The following THSD7B variants were observed in gnomAD, a reference collection of about 807,000 sequenced individuals.
THSD7B encodes the protein thrombospondin type-1 domain-containing protein 7B.
THSD7B carries 138 observed loss-of-function variants against 213.6 expected under a neutral mutation model. That is an observed-to-expected ratio of 0.65 (90% CI 0.56 to 0.74). The LOEUF (loss-of-function observed/expected upper bound fraction) is 0.74. Among genes scored for constraint, THSD7B ranks in the 30% least tolerant of loss-of-function variants. The pLI is 0.00. For missense variants in THSD7B, 1,931 were observed against 1,991.5 expected (o/e 0.97, Z 0.58); for synonymous variants, 742 against 687.0 (o/e 1.08, Z -1.25).
chr2:136,943,909 C>A (rs1684878641), intron 2 of THSD7B, among the ~76,000 whole-genome samples: 1 of 152,064 alleles, frequency 6.6e-6, no homozygotes, highest in Non-Finnish European at 1.5e-5. Context: ...TTAGTTATTT[C>A]TTGCCTTCTG....
intron 1 of THSD7B, among the ~76,000 whole-genome samples, chr2:136,854,483 CA>C (rs1189652014): frequency 6.6e-6 from 1 of 151,924 alleles, no homozygotes; most frequent in Non-Finnish European, 1.5e-5. Context: ...ACTCCTTCCC[CA>C]TCAGGCCTGT....
chr2:136,777,315 A>T (rs369407557), intron 1 of THSD7B, among the ~76,000 whole-genome samples: 1 of 152,122 alleles, frequency 6.6e-6, no homozygotes, highest in Non-Finnish European at 1.5e-5. Flanking sequence ...ATACAAAGCA[A>T]CTACTCCTGA....
chr2:137,407,431 G>C (rs1234478773), intron 13 of THSD7B, among the ~76,000 whole-genome samples: 1 of 151,900 alleles, frequency 6.6e-6, no homozygotes, highest in South Asian at 2.1e-4. Flanking sequence ...TGAAATACAT[G>C]AGTTTTTTTA....
intron 5 of THSD7B, among the ~76,000 whole-genome samples, chr2:137,133,659 C>T (rs1414610850): frequency 6.6e-6 from 1 of 152,052 alleles, no homozygotes; most frequent in African/African-American, 2.4e-5. Context: ...ATGTGAATGA[C>T]ATATGTAATT....
At chr2:137,031,024 A>G (rs1192884936) in intron 2 of THSD7B, among the ~76,000 whole-genome samples, 1 of 152,174 alleles carries the variant, frequency 6.6e-6, no homozygotes, top group African/African-American at 2.4e-5. Flanking sequence ...TACACCCACC[A>G]CCTTCATAAC....
chr2:137,055,017 T>C (rs1233444531), intron 2 of THSD7B, among the ~76,000 whole-genome samples: 2 of 152,132 alleles, frequency 1.3e-5, no homozygotes, highest in Non-Finnish European at 2.9e-5. Flanking sequence ...CACTTATGAG[T>C]GAGAACATGC....
chr2:136,916,767 C>G (rs1394444987), intron 2 of THSD7B, among the ~76,000 whole-genome samples: 2 of 152,162 alleles, frequency 1.3e-5, no homozygotes, highest in African/African-American at 4.8e-5. Context: ...TGCCATAGCA[C>G]CTGTCTTTAC....
At chr2:136,982,241 C>A (rs114032260) in intron 2 of THSD7B, among the ~76,000 whole-genome samples, 273 of 152,236 alleles carry the variant, frequency 1.8e-3, no homozygotes, top group Non-Finnish European at 2.9e-3. Flanking sequence ...TCCTTGGTTT[C>A]TCTCTCCAAA....
chr2:136,861,321 G>A (rs144644300), intron 1 of THSD7B, among the ~76,000 whole-genome samples: 41 of 152,240 alleles, frequency 2.7e-4, no homozygotes, highest in African/African-American at 8.7e-4. Flanking sequence ...TTAAAATCTG[G>A]TTTCTCTTTG....
At chr2:137,303,411 G>T (rs537734732) in intron 12 of THSD7B, among the ~76,000 whole-genome samples, 1 of 151,894 alleles carries the variant, frequency 6.6e-6, no homozygotes, top group South Asian at 2.1e-4. Context: ...ATAATATGTA[G>T]AATTCTTTTT....
intron 15 of THSD7B, among the ~76,000 whole-genome samples, chr2:137,511,677 A>G (rs1679963953): frequency 6.6e-6 from 1 of 152,136 alleles, no homozygotes; most frequent in Non-Finnish European, 1.5e-5. Flanking sequence ...TAAGGCTTCC[A>G]TCCTCTGCCA....
intron 1 of THSD7B, among the ~76,000 whole-genome samples, chr2:136,866,396 C>A (rs1683333723): frequency 1.3e-5 from 2 of 151,966 alleles, no homozygotes; most frequent in Admixed American, 6.6e-5. Flanking sequence ...AATAAAATAT[C>A]AGGTCTGTAG....
At chr2:136,870,106 C>CTGTATTT (rs936892051) in intron 1 of THSD7B, among the ~76,000 whole-genome samples, 1 of 151,066 alleles carries the variant, frequency 6.6e-6, no homozygotes, top group African/African-American at 2.4e-5. Context: ...GCATTTGTGC[C>CTGTATTT]TGTATTTTAG....
At chr2:137,340,803 C>T (rs1404186845) in intron 12 of THSD7B, among the ~76,000 whole-genome samples, 1 of 151,708 alleles carries the variant, frequency 6.6e-6, no homozygotes, top group Non-Finnish European at 1.5e-5. Flanking sequence ...ATGTATCCCA[C>T]ATTTTCTGTA....
intron 2 of THSD7B, among the ~76,000 whole-genome samples, chr2:136,943,020 G>T (rs1025864493): frequency 1.3e-5 from 2 of 152,110 alleles, no homozygotes; most frequent in East Asian, 3.9e-4. Context: ...TTTGAGATAT[G>T]TCCCATCAAT....
At chr2:137,438,191 G>A (rs998416283) in intron 14 of THSD7B, among the ~76,000 whole-genome samples, 2 of 152,076 alleles carry the variant, frequency 1.3e-5, no homozygotes, top group African/African-American at 2.4e-5. Flanking sequence ...TTCAATGACA[G>A]GCACAAGGTA....
At chr2:137,258,232 T>C (rs1682352401) in intron 10 of THSD7B, among the ~76,000 whole-genome samples, 1 of 152,192 alleles carries the variant, frequency 6.6e-6, no homozygotes, top group South Asian at 2.1e-4. Context: ...TTTGAAATAC[T>C]TTTTTTATCC....
rs189964865 is a variant in THSD7B at position 137,317,928 on chromosome 2, A to G, written c.2500+41902A>G. On this transcript the variant is annotated intron_variant, in intron 12 of 27. Transcript: ENST00000409968. ...AGTGACAGAGCAAGACCCTGTCTCT[A>G]TGGGGGAGGGGGGAAGAAAAAGGAT... 6.8e-3 allele frequency among the ~76,000 whole-genome samples: 1,040 copies of G among 152,150 alleles called. 15 individuals carry two copies. The highest frequency in any genetic ancestry group is 0.024 in the African/African-American group (979 of 41,508).
chr2:136,918,909 G>C (rs934330470), intron 2 of THSD7B, among the ~76,000 whole-genome samples: 1 of 152,110 alleles, frequency 6.6e-6, no homozygotes, highest in Non-Finnish European at 1.5e-5. Context: ...AAAATAAACA[G>C]CTTCTCTACA....
Sources: gnomAD v4.1 joint callset for allele counts (sites outside exome capture counted in the v4.1 genomes callset) on GRCh38, gnomAD v4.1.1 for gene constraint, MANE v1.5 for transcripts, NCBI Gene and HGNC (gene_info 2026-07-23, HGNC 2026-07-21) for gene names.